DGCR8: variants seen among roughly 807,000 people sequenced by gnomAD.
The protein encoded by DGCR8 is DGCR8 microprocessor complex subunit.
DGCR8 carries 14 observed loss-of-function variants against 78.5 expected under a neutral mutation model. That is an observed-to-expected ratio of 0.18 (90% CI 0.12 to 0.28). The LOEUF (loss-of-function observed/expected upper bound fraction) is 0.28. Ranked by LOEUF, DGCR8 falls within the 10% of genes least tolerant of loss-of-function variation. The pLI is 1.00. For missense variants in DGCR8, 702 were observed against 1,022.5 expected (o/e 0.69, Z 4.28); for synonymous variants, 399 against 402.4 (o/e 0.99, Z 0.10).
At chr22:20,108,789 G>GCT in intron 12 of DGCR8, 101 bp from the exon 13 acceptor site, 1 of 769,994 alleles carries the variant, frequency 1.3e-6, no homozygotes, top group African/African-American at 1.7e-5. Context: ...CAGACCCTGG[G>GCT]CGCGCCTGCC....
intron 6 of DGCR8, 108 bp from the exon 7 acceptor site, chr22:20,091,761 T>C (rs924440268): frequency 1.2e-4 from 184 of 1,482,026 alleles, no homozygotes; most frequent in Non-Finnish European, 7.0e-5. Context: ...TGCAGGGGTC[T>C]GCCACATTCA....
Position 20,098,112 on chromosome 22 carries a change from C to T in DGCR8, c.1788+3317C>T, listed in dbSNP as rs144712065. On this transcript the variant is annotated intron_variant, in intron 9 of 13. Transcript: ENST00000351989. ...ACTGTGCTCCAGCCTGGTGACAGAG[C>T]GAGACTCCTGTCTCAAAAAAAAAAA... Among the ~76,000 whole-genome samples, 849 of 140,800 alleles carry T rather than the reference C, an allele frequency of 6.0e-3. 7 individuals are homozygous for T. The highest frequency in any genetic ancestry group is 0.02 in the African/African-American group (783 of 38,296). The allele number at this position is 140,800 out of a possible 152,430, so 92.4% of individuals were successfully genotyped here.
At position 20,106,226 on chromosome 22, in the gene DGCR8, G is replaced by T; in HGVS notation, c.1838G>T (p.Ser613Ile). The T allele has an allele frequency of 6.2e-7, 1 of 1,613,998 alleles. No homozygotes were observed. The highest frequency in any genetic ancestry group is 1.1e-5 in the South Asian group (1 of 91,088). Residue 613 changes from serine to isoleucine, a missense_variant, in exon 10 of 14, where the codon AGC becomes ATC. Ser to Ile is a moderately radical substitution (Grantham distance 142). This residue lies in a region of DGCR8 where 225 missense variants were observed against 427.7 expected (regional missense o/e 0.53). Coordinates refer to ENST00000351989, the MANE Select transcript of DGCR8 (RefSeq NM_022720.7). ...IEDSRVYELTSKAGLLSPYQI... is the reference protein window; with the variant it reads ...IEDSRVYELTIKAGLLSPYQI... ...GACTCGCGGGTCTACGAGCTGACCA[G>T]CAAGGCTGGGCTGTTGTCTCCATAT... is the stretch of plus-strand genomic sequence containing the variant.
At chr22:20,083,243 A>AC (rs2049437839) in intron 1 of DGCR8, among the ~76,000 whole-genome samples, 1 of 151,792 alleles carries the variant, frequency 6.6e-6, no homozygotes, top group Non-Finnish European at 1.5e-5. Context: ...TTTTTGCTTG[A>AC]ATACTTCTTG....
Position 20,107,437 on chromosome 22 carries a change from G to A in DGCR8, c.2124+39G>A, listed in dbSNP as rs758488662. 25 of 1,612,386 alleles carry A rather than the reference G, an allele frequency of 1.6e-5. No individual in the cohort carries two copies. The South Asian group carries it at 2.7e-4, about 18-fold the overall frequency. On this transcript the variant is annotated intron_variant, in intron 12 of 13. Transcript: ENST00000351989. ...AGCAGGTCCCAGGGCAGCCTGTGCT[G>A]CCACCCTGGAGCGTATTCCTGAGGC...
At chr22:20,081,998 T>C (rs1293941713) in intron 1 of DGCR8, among the ~76,000 whole-genome samples, 1 of 151,686 alleles carries the variant, frequency 6.6e-6, no homozygotes, top group Non-Finnish European at 1.5e-5. Flanking sequence ...AGGTCCTCAC[T>C]CCCCATCCAC....
intron 9 of DGCR8, chr22:20,100,855 T>TC: frequency 4.1e-6 from 4 of 982,904 alleles, no homozygotes; most frequent in Non-Finnish European, 4.8e-6. Flanking sequence ...GCGTCATATC[T>TC]CCCCAGGTAA....
At chr22:20,082,672 TG>T (rs2049431931) in intron 1 of DGCR8, among the ~76,000 whole-genome samples, 1 of 152,042 alleles carries the variant, frequency 6.6e-6, no homozygotes, top group Non-Finnish European at 1.5e-5. Flanking sequence ...CGGCCCAGAG[TG>T]GTTCTTTTAA....
rs374931798 is a variant in DGCR8 at position 20,109,021 on chromosome 22, G to C, written c.2238+18G>C. ...AGGAAAGGGTGAGTGCCACCCTAGC[G>C]GGAGGGCTGCCGGGCCACGGCCATT... On this transcript the variant is annotated intron_variant, in intron 13 of 13. Coordinates refer to ENST00000351989, the MANE Select transcript of DGCR8 (RefSeq NM_022720.7). The C allele has an allele frequency of 1.9e-3, 2,670 of 1,381,434 alleles. 3 individuals carry two copies. The highest frequency in any genetic ancestry group is 2.5e-3 in the Non-Finnish European group (2,380 of 969,210). 85.6% of individuals were successfully genotyped at this position (1,381,434 alleles called of 1,614,324 possible).
chr22:20,103,421 C>T (rs1182315148), intron 9 of DGCR8, among the ~76,000 whole-genome samples: 1 of 152,116 alleles, frequency 6.6e-6, no homozygotes, highest in Admixed American at 6.5e-5. Context: ...GCTTACAGAG[C>T]TAGAATTTGT....
At position 20,087,607 on chromosome 22, in the gene DGCR8, A is replaced by G. The variant is rs905002308; in HGVS notation, c.880+286A>G. 3.3e-5 allele frequency among the ~76,000 whole-genome samples: 5 copies of G among 152,106 alleles called. No homozygotes were observed. The highest frequency in any genetic ancestry group is 9.7e-5 in the African/African-American group (4 of 41,404). On this transcript the variant is annotated intron_variant, in intron 3 of 13. Coordinates refer to ENST00000351989, the MANE Select transcript of DGCR8 (RefSeq NM_022720.7). The surrounding 1 kb of genome is among the most constrained non-coding windows in gnomAD (Gnocchi z 4.1). Reference sequence around the variant, plus strand: ...GAGGGGGTCAGGAGGGGATGTTGGTATATGCCAGGAGCCAGCATGACCATC... The same window carrying G: ...GAGGGGGTCAGGAGGGGATGTTGGTGTATGCCAGGAGCCAGCATGACCATC...
At chr22:20,088,512 G>A (rs1358302449) in intron 3 of DGCR8, among the ~76,000 whole-genome samples, 2 of 152,154 alleles carry the variant, frequency 1.3e-5, no homozygotes, top group African/African-American at 4.8e-5. Flanking sequence ...CAGCGGACCC[G>A]TGGCCCGTCT....
intron 13 of DGCR8, 64 bp from the exon 14 acceptor site, chr22:20,109,961 G>A (rs1453556598): frequency 6.6e-7 from 1 of 1,514,792 alleles, no homozygotes; most frequent in African/African-American, 1.4e-5. Context: ...CCTCCACCTT[G>A]TGTCTTCCCG....
In DGCR8 at chr22:20,110,995, A is replaced by G. The variant is rs1385538272; in HGVS notation, c.*887A>G. 10 of 396,790 alleles carry G rather than the reference A, an allele frequency of 2.5e-5. No individual in the cohort carries two copies. Among genetic ancestry groups the G allele is most frequent in the Non-Finnish European group, 4.4e-5 (10 of 225,564 alleles). 24.6% of individuals were successfully genotyped at this position (396,790 alleles called of 1,614,324 possible). A position where few individuals can be genotyped will look rare whatever the true frequency, so the allele number is the denominator to read the frequency against. On this transcript the variant is annotated 3_prime_UTR_variant, in exon 14 of 14. Coordinates refer to ENST00000351989, the MANE Select transcript of DGCR8 (RefSeq NM_022720.7). ...AGCATTTTGAAAGACTTTCACAGTGAGAGTAGAAGGTAGATTTGGAATCAT... is the reference window on the plus strand; with the variant it reads ...AGCATTTTGAAAGACTTTCACAGTGGGAGTAGAAGGTAGATTTGGAATCAT...
At chr22:20,107,464 C>T in intron 12 of DGCR8, 66 bp downstream of exon 12, 2 of 1,599,318 alleles carry the variant, frequency 1.3e-6, no homozygotes, top group Non-Finnish European at 1.7e-6. Context: ...TCCTGAGGCT[C>T]TGTGCTCAGA....
In DGCR8 at chr22:20,086,630, G is replaced by A. The variant is rs1602478643; in HGVS notation, c.667G>A (p.Ala223Thr). The A allele has an allele frequency of 6.2e-7, 1 of 1,612,092 alleles. No homozygotes were observed. Among genetic ancestry groups the A allele is most frequent in the East Asian group, 2.2e-5 (1 of 44,886 alleles). The change falls in exon 2 of 14, where the codon GCA becomes ACA. Residue 223 changes from alanine (A) to threonine (T), a missense_variant. Physicochemically the swap from Ala to Thr is moderately conservative, Grantham distance 58 (BLOSUM62 0). This residue lies in a region of DGCR8 where 356 missense variants were observed against 448.9 expected (regional missense o/e 0.79). Coordinates refer to ENST00000351989, the MANE Select transcript of DGCR8 (RefSeq NM_022720.7). This position sits in a 1 kb window ranked among gnomAD's most constrained non-coding sequence, Gnocchi z 6.4. ...AGGAGCAGGCGGGTTCACGGCTAAA[G>A]CAATCGTTCAGAGAGACAGAGTGGA... is the stretch of plus-strand genomic sequence containing the variant. The part of the protein sequence containing the change: ...EEGAGGFTAK[A>T]IVQRDRVDEE...
rs1413679178 is a variant in DGCR8 at position 20,087,352 on chromosome 22, TC to T, written c.880+33del. On this transcript the variant is annotated intron_variant, in intron 3 of 13. Coordinates refer to ENST00000351989, the MANE Select transcript of DGCR8 (RefSeq NM_022720.7). The surrounding 1 kb of genome is among the most constrained non-coding windows in gnomAD (Gnocchi z 4.1). ...TGTGTGGGTCAGAAGCAGTGGGTGT[TC>T]CAGGGCAGTGGAGGGGTGGTTGCTT... 16 of 1,571,716 alleles carry T rather than the reference TC, an allele frequency of 1.0e-5. No homozygotes were observed. The East Asian group carries it at 2.6e-4, about 25-fold the overall frequency.
intron 9 of DGCR8, among the ~76,000 whole-genome samples, chr22:20,099,500 G>A (rs1191210881): frequency 1.3e-5 from 2 of 152,198 alleles, no homozygotes; most frequent in Admixed American, 6.5e-5. Flanking sequence ...TTGAGGACCC[G>A]TTCTCCATTG....
chr22:20,099,377 G>T (rs2049668556), intron 9 of DGCR8, among the ~76,000 whole-genome samples: 1 of 152,230 alleles, frequency 6.6e-6, no homozygotes, highest in South Asian at 2.1e-4. Context: ...AAAGCCCTCA[G>T]GAACTGGGCT....
Sources: allele counts gnomAD v4.1 joint callset (sites outside exome capture counted in the v4.1 genomes callset), GRCh38; gene constraint gnomAD v4.1.1; regional missense constraint gnomAD v4.1.1; non-coding constraint Gnocchi (gnomAD v3.1); transcripts MANE v1.5; gene names NCBI Gene and HGNC (gene_info 2026-07-23, HGNC 2026-07-21).